Variants in PTPRS observed in about 807,000 individuals in gnomAD.
The protein encoded by PTPRS is receptor-type tyrosine-protein phosphatase S.
A neutral mutation model predicts 215.3 loss-of-function variants in PTPRS; 63 were observed. That is an observed-to-expected ratio of 0.29 (90% CI 0.24 to 0.36). The LOEUF (loss-of-function observed/expected upper bound fraction) is 0.36, where lower values mean the gene tolerates loss of function less well. PTPRS is among the 10% of genes least tolerant of loss of function. The pLI, the probability that PTPRS is intolerant of heterozygous loss-of-function variation, is 1.00. For missense variants in PTPRS, 2,258 were observed against 2,825.8 expected, an observed-to-expected ratio of 0.80 and a Z score of 4.56; for synonymous variants, 1,404 against 1,191.4, an observed-to-expected ratio of 1.18 and a Z score of -3.68.
chr19:5,252,461 C>T (rs1480439177), intron 9 of PTPRS, among the ~76,000 whole-genome samples: 2 of 151,466 alleles, frequency 1.3e-5, no homozygotes, highest in African/African-American at 4.9e-5. Context: ...CCTGTAATCC[C>T]AGCTACTCAG....
chr19:5,224,704 TGA>T (rs1599485785), intron 17 of PTPRS, among the ~76,000 whole-genome samples: 1 of 151,998 alleles, frequency 6.6e-6, no homozygotes, highest in East Asian at 1.9e-4. Context: ...ACAATGTCCC[TGA>T]GAGAGGAGGG....
intron 16 of PTPRS, among the ~76,000 whole-genome samples, chr19:5,227,992 A>G (rs2042655261): frequency 6.6e-6 from 1 of 152,014 alleles, no homozygotes; most frequent in Non-Finnish European, 1.5e-5. Flanking sequence ...ACCCAGGCCA[A>G]GGGGATAAGG....
chr19:5,292,843 G>C (rs1352284264), intron 1 of PTPRS: 1 of 152,322 alleles, frequency 6.6e-6, no homozygotes, highest in Non-Finnish European at 1.5e-5. Context: ...CCCGGGAGGT[G>C]GGGGAGGAGA....
At chr19:5,222,249 G>A in intron 18 of PTPRS, 29 bp from the exon 19 acceptor site, 1 of 1,569,806 alleles carries the variant, frequency 6.4e-7, no homozygotes, top group Non-Finnish European at 8.8e-7. Flanking sequence ...AGCAGGGAGA[G>A]AGCAGAAGAG....
rs747842113 is a variant in PTPRS at position 5,260,807 on chromosome 19, C to G, written c.593G>C (p.Arg198Pro). Residue 198 changes from arginine (R) to proline (P), a missense_variant and splice_region_variant, in exon 7 of 38, where the codon CGA becomes CCA. Arg to Pro is a moderately radical substitution (Grantham distance 103). Transcript: ENST00000262963. ...RSETFESTPIRGALQIESSEE... is the reference protein window; with the variant it reads ...RSETFESTPIPGALQIESSEE... ...TGGGTGAGTGAGGAGCCTCTTACCT[C>G]GAATCGGAGTGCTTTCTGTAAGGGA... 1 of 1,613,722 alleles carries G rather than the reference C, an allele frequency of 6.2e-7. No individual in the cohort carries two copies. The highest frequency in any genetic ancestry group is 2.2e-5 in the East Asian group (1 of 44,852).
intron 2 of PTPRS, among the ~76,000 whole-genome samples, chr19:5,279,926 A>G (rs1283915096): frequency 2.0e-5 from 3 of 151,842 alleles, no homozygotes; most frequent in South Asian, 4.2e-4. Context: ...CTCGTGATCC[A>G]CCCACCTTGG....
chr19:5,214,773 C>T, intron 28 of PTPRS, 37 bp from the exon 29 acceptor site: 1 of 1,568,958 alleles, frequency 6.4e-7, no homozygotes, highest in Non-Finnish European at 8.7e-7. Flanking sequence ...TCTGTGGGGG[C>T]TGTCTTGCTA....
In PTPRS at chr19:5,322,787, G is replaced by A. The variant is rs1469315404; in HGVS notation, c.-95+17877C>T. Among the ~76,000 whole-genome samples the A allele has an allele frequency of 2.7e-5, 4 of 148,230 alleles. No homozygotes were observed. The South Asian group carries it at 8.6e-4, about 32-fold the overall frequency. The stretch of plus-strand genomic sequence containing the variant: ...CCAGCTATTCGAGAGGCTGAGGCAG[G>A]AGAATCGCTTGAACCCGGGAGGTGG... On this transcript the variant is annotated intron_variant, in intron 1 of 37. Coordinates refer to ENST00000262963, the MANE Select transcript of PTPRS (RefSeq NM_002850.4).
rs1217405014 is a variant in PTPRS, at chr19:5,257,108, C to T, written c.706+909G>A. ...GTGAAAGGGAGGAGGAGGAGGAAGA[C>T]TACAACTTCTGAAAAGACCCAAGAG... On this transcript the variant is annotated intron_variant, in intron 8 of 37. Coordinates refer to ENST00000262963, the MANE Select transcript of PTPRS (RefSeq NM_002850.4). This position sits in a 1 kb window ranked among gnomAD's most constrained non-coding sequence, Gnocchi z 4.4. Among the ~76,000 whole-genome samples, 1 of 150,280 alleles carries T rather than the reference C, an allele frequency of 6.7e-6. No homozygotes were observed. The highest frequency in any genetic ancestry group is 2.0e-4 in the East Asian group (1 of 5,110).
intron 26 of PTPRS, among the ~76,000 whole-genome samples, chr19:5,216,030 G>A (rs964121783): frequency 2.0e-5 from 3 of 152,138 alleles, no homozygotes; most frequent in Admixed American, 1.3e-4. Flanking sequence ...CTGTCCTTGG[G>A]TGGGCGACTG....
At chr19:5,318,054 C>A (rs188587347) in intron 1 of PTPRS, among the ~76,000 whole-genome samples, 27 of 152,146 alleles carry the variant, frequency 1.8e-4, no homozygotes, top group African/African-American at 6.5e-4. Flanking sequence ...GCCTGTAGTC[C>A]CAGCTACTCA....
intron 1 of PTPRS, among the ~76,000 whole-genome samples, chr19:5,316,497 A>C (rs929450199): frequency 2.0e-5 from 3 of 152,062 alleles, no homozygotes; most frequent in Non-Finnish European, 4.4e-5. Context: ...GGTTCAAGCA[A>C]TTCTCCTGCC....
chr19:5,221,294 T>G (rs775548145), intron 19 of PTPRS, 41 bp from the exon 20 acceptor site: 55 of 1,585,542 alleles, frequency 3.5e-5, no homozygotes, highest in Non-Finnish European at 4.3e-5. Flanking sequence ...GGTGGGCTCA[T>G]GCCCATGGAC....
intron 6 of PTPRS, among the ~76,000 whole-genome samples, chr19:5,261,334 C>T (rs188892063): frequency 2.6e-5 from 4 of 152,038 alleles, no homozygotes; most frequent in East Asian, 1.9e-4. Flanking sequence ...GCCCCAGTGC[C>T]GGGCATTAAT....
chr19:5,297,547 A>G (rs1271421041), intron 1 of PTPRS, among the ~76,000 whole-genome samples: 1 of 152,288 alleles, frequency 6.6e-6, no homozygotes, highest in Admixed American at 6.5e-5. Flanking sequence ...AACACTGTCA[A>G]TAACATAAGG....
intron 1 of PTPRS, among the ~76,000 whole-genome samples, chr19:5,303,677 C>T (rs761233648): frequency 2.0e-5 from 3 of 151,956 alleles, no homozygotes; most frequent in Non-Finnish European, 4.4e-5. Context: ...GTGAGGACCA[C>T]GGTGGCTCAC....
At chr19:5,274,739 AC>A (rs557859205) in intron 2 of PTPRS, among the ~76,000 whole-genome samples, 1 of 150,954 alleles carries the variant, frequency 6.6e-6, no homozygotes, top group African/African-American at 2.4e-5. Context: ...CAGCACCTGA[AC>A]CCCCCCTCCA....
intron 6 of PTPRS, among the ~76,000 whole-genome samples, chr19:5,262,120 C>A (rs927993882): frequency 2.0e-5 from 3 of 152,108 alleles, no homozygotes; most frequent in Admixed American, 6.6e-5. Flanking sequence ...ACTAAAAATA[C>A]AAAAATTAGC....
At chr19:5,300,187 C>T (rs894481617) in intron 1 of PTPRS, among the ~76,000 whole-genome samples, 1 of 147,364 alleles carries the variant, frequency 6.8e-6, no homozygotes, top group Non-Finnish European at 1.5e-5. Flanking sequence ...ACTGCAGTGA[C>T]GTGAGATCAT....
Sources: allele counts gnomAD v4.1 joint callset (sites outside exome capture counted in the v4.1 genomes callset), GRCh38; gene constraint gnomAD v4.1.1; non-coding constraint Gnocchi (gnomAD v3.1); transcripts MANE v1.5; gene names NCBI Gene and HGNC (gene_info 2026-07-23, HGNC 2026-07-21).